RBFOX1: variants seen among roughly 807,000 people sequenced by gnomAD.
RBFOX1 encodes the protein RNA binding protein fox-1 homolog 1.
A neutral mutation model predicts 57.7 loss-of-function variants in RBFOX1; 8 were observed. The observed-to-expected ratio is 0.14, with a 90% CI of 0.08 to 0.25. RBFOX1 has a LOEUF of 0.25. Ranked by LOEUF, RBFOX1 falls within the 10% of genes least tolerant of loss-of-function variation. RBFOX1 has a pLI of 1.00. For missense variants in RBFOX1, 611 were observed against 548.5 expected (o/e 1.11, Z -1.14); for synonymous variants, 326 against 222.4 (o/e 1.47, Z -4.15).
intron 2 of RBFOX1, among the ~76,000 whole-genome samples, chr16:5,532,062 G>C (rs935898689): frequency 2.0e-5 from 3 of 152,198 alleles, no homozygotes; most frequent in Non-Finnish European, 4.4e-5. Flanking sequence ...ACCTCCCAAA[G>C]TGCTGGGATT....
At chr16:5,651,860 A>G (rs1309032200) in intron 3 of RBFOX1, among the ~76,000 whole-genome samples, 2 of 152,226 alleles carry the variant, frequency 1.3e-5, no homozygotes, top group Non-Finnish European at 2.9e-5. Flanking sequence ...TAGGCCGGGC[A>G]CAGTGGCTCA....
At chr16:6,601,576 G>T (rs1330795294) in intron 2 of RBFOX1, among the ~76,000 whole-genome samples, 1 of 152,094 alleles carries the variant, frequency 6.6e-6, no homozygotes, top group Non-Finnish European at 1.5e-5. Flanking sequence ...CTGGTTAAAG[G>T]CTGTAAAAGG....
intron 11 of RBFOX1, among the ~76,000 whole-genome samples, chr16:7,647,901 A>C (rs1281196544): frequency 1.3e-5 from 2 of 152,226 alleles, no homozygotes; most frequent in Non-Finnish European, 2.9e-5. Context: ...CATACCTCAA[A>C]GTAAACATGT....
At chr16:5,899,621 G>A (rs947305142) in intron 4 of RBFOX1, among the ~76,000 whole-genome samples, 3 of 152,116 alleles carry the variant, frequency 2.0e-5, no homozygotes, top group African/African-American at 4.8e-5. Context: ...TTCTGATGTC[G>A]GGTACCTGAT....
chr16:6,903,746 A>C (rs2069060897), intron 3 of RBFOX1, among the ~76,000 whole-genome samples: 1 of 152,164 alleles, frequency 6.6e-6, no homozygotes, highest in Non-Finnish European at 1.5e-5. Context: ...CTCAAAAGAA[A>C]GAGGTGAGAG....
chr16:7,709,609 T>G (rs2083591281), intron 15 of RBFOX1: 4 of 1,531,726 alleles, frequency 2.6e-6, no homozygotes, highest in East Asian at 4.9e-5. Flanking sequence ...ACAATTCATG[T>G]TTAAAGTCAT....
chr16:5,838,839 C>G (rs754766580), intron 3 of RBFOX1, among the ~76,000 whole-genome samples: 1 of 152,176 alleles, frequency 6.6e-6, no homozygotes, highest in Non-Finnish European at 1.5e-5. Flanking sequence ...TTTTTGCAGA[C>G]TACCTCAGTG....
chr16:5,241,938 CAA>C (rs58653312), intron 1 of RBFOX1, among the ~76,000 whole-genome samples: 1 of 144,574 alleles, frequency 6.9e-6, no homozygotes, highest in Non-Finnish European at 1.5e-5. Flanking sequence ...TCGCATCTAC[CAA>C]AAAAAAAAAT....
rs148234957 is a variant in RBFOX1, at chr16:6,862,542, C to G, written c.-15-189515C>G. On this transcript the variant is annotated intron_variant, in intron 3 of 15. Coordinates refer to ENST00000550418, the MANE Select transcript of RBFOX1 (RefSeq NM_018723.4). The stretch of plus-strand genomic sequence containing the variant: ...CCAGCAGAATGGAGGTGATACTTAA[C>G]CAGCATCTTGAAGAGTGAAGAGATT... Among the ~76,000 whole-genome samples, 888 of 152,290 alleles carry G rather than the reference C, an allele frequency of 5.8e-3. 14 individuals carry two copies. Among genetic ancestry groups the G allele is most frequent in the African/African-American group, 0.02 (841 of 41,554 alleles).
chr16:6,621,237 G>A (rs894632086), intron 2 of RBFOX1, among the ~76,000 whole-genome samples: 12 of 152,256 alleles, frequency 7.9e-5, no homozygotes, highest in Non-Finnish European at 1.2e-4. Context: ...CTAGGCCGGC[G>A]GATCACAAGG....
intron 1 of RBFOX1, among the ~76,000 whole-genome samples, chr16:5,365,075 A>G (rs1596675197): frequency 6.6e-6 from 1 of 152,010 alleles, no homozygotes; most frequent in Non-Finnish European, 1.5e-5. Flanking sequence ...TGGGGAAGAG[A>G]TGAAGGGTCT....
intron 4 of RBFOX1, among the ~76,000 whole-genome samples, chr16:7,318,606 G>A (rs1442247122): frequency 6.6e-6 from 1 of 152,172 alleles, no homozygotes; most frequent in Admixed American, 6.5e-5. Flanking sequence ...AATCAGAATA[G>A]CGTTCCTATA....
chr16:6,947,066 G>C (rs1460433784), intron 3 of RBFOX1, among the ~76,000 whole-genome samples: 1 of 152,166 alleles, frequency 6.6e-6, no homozygotes, highest in Non-Finnish European at 1.5e-5. Flanking sequence ...TTGAGAGAAG[G>C]TCTGTGCTTT....
At chr16:7,146,920 G>T (rs895707016) in intron 4 of RBFOX1, among the ~76,000 whole-genome samples, 34 of 143,032 alleles carry the variant, frequency 2.4e-4, no homozygotes, top group Admixed American at 1.1e-3. Flanking sequence ...TTATACTCCA[G>T]TCTGGGTGAC....
chr16:6,869,359 T>TAGTTG (rs2060476115), intron 3 of RBFOX1, among the ~76,000 whole-genome samples: 1 of 152,114 alleles, frequency 6.6e-6, no homozygotes, highest in African/African-American at 2.4e-5. Flanking sequence ...ACAAATCCCA[T>TAGTTG]AGTTGTAGGT....
chr16:6,197,596 G>C lies in RBFOX1; in HGVS notation c.-126-119399G>C, dbSNP rs560349100. ...ACAAAACCAGATAATAGGAACAGTA[G>C]AGGACCAGGATCACCTGTTTGGTGC... On this transcript the variant is annotated intron_variant, in intron 1 of 15. Transcript: ENST00000550418. Among the ~76,000 whole-genome samples, 3 of 151,670 alleles carry C rather than the reference G, an allele frequency of 2.0e-5. No homozygotes were observed. In the South Asian group the frequency reaches 6.3e-4, roughly 32 times the overall value.
At chr16:6,899,448 T>C (rs535094101) in intron 3 of RBFOX1, among the ~76,000 whole-genome samples, 1 of 152,350 alleles carries the variant, frequency 6.6e-6, no homozygotes, top group East Asian at 1.9e-4. Flanking sequence ...TAGTTGGTTG[T>C]TTACGGCCAT....
chr16:6,371,914 G>A (rs922485244), intron 2 of RBFOX1, among the ~76,000 whole-genome samples: 4 of 152,140 alleles, frequency 2.6e-5, no homozygotes, highest in African/African-American at 9.7e-5. Context: ...CTGTCTGTTA[G>A]GCTGTGAGAC....
intron 1 of RBFOX1, among the ~76,000 whole-genome samples, chr16:5,290,738 G>A (rs149109219): frequency 5.0e-4 from 76 of 150,762 alleles, no homozygotes; most frequent in African/African-American, 1.7e-3. Context: ...AGCTCTTGAC[G>A]CCTAGGCTGG....
Sources: allele counts gnomAD v4.1 joint callset (sites outside exome capture counted in the v4.1 genomes callset), GRCh38; gene constraint gnomAD v4.1.1; transcripts MANE v1.5; gene names NCBI Gene and HGNC (gene_info 2026-07-23, HGNC 2026-07-21).